The following MAT2B variants were observed in gnomAD, a reference collection of about 807,000 sequenced individuals.
MAT2B encodes the protein methionine adenosyltransferase 2 non-catalytic beta subunit, also known as methionine adenosyltransferase 2 subunit beta.
MAT2B carries 16 observed loss-of-function variants against 36.1 expected under a neutral mutation model. That is an observed-to-expected ratio of 0.44 (90% CI 0.30 to 0.67). MAT2B has a LOEUF of 0.67. Ranked by LOEUF, MAT2B falls within the 30% of genes least tolerant of loss-of-function variation. The pLI is 0.09. For missense variants in MAT2B, 332 were observed against 398.2 expected (o/e 0.83, Z 1.42); for synonymous variants, 148 against 136.9 (o/e 1.08, Z -0.57).
intron 3 of MAT2B, 21 bp from the exon 4 acceptor site, chr5:163,513,821 A>G (rs1561657478): frequency 1.9e-6 from 3 of 1,598,958 alleles, no homozygotes; most frequent in African/African-American, 2.7e-5. Context: ...CATTTAATAG[A>G]TTTGTCTTCT....
At chr5:163,509,652 C>G (rs1471990001) in intron 1 of MAT2B, among the ~76,000 whole-genome samples, 1 of 152,174 alleles carries the variant, frequency 6.6e-6, no homozygotes, top group Non-Finnish European at 1.5e-5. Flanking sequence ...AATTATCTCT[C>G]TTTTAGAGTA....
chr5:163,513,690 T>G (rs1389197828), intron 3 of MAT2B, 21 bp downstream of exon 3: 7 of 1,588,788 alleles, frequency 4.4e-6, no homozygotes, highest in Non-Finnish European at 6.0e-6. Flanking sequence ...CTTTATAAAA[T>G]TTTCATAAAA....
At position 163,513,643 on chromosome 5, in the gene MAT2B, C is replaced by T. The variant is rs2113558282; in HGVS notation, c.347C>T (p.Ala116Val). The T allele has an allele frequency of 6.2e-7, 1 of 1,613,556 alleles. No homozygotes were observed. The highest frequency in any genetic ancestry group is 1.7e-4 in the Middle Eastern group (1 of 6,056). The change falls in exon 3 of 7, where the codon GCT becomes GTT. Residue 116 changes from alanine (A) to valine (V), a missense_variant. Physicochemically the swap from Ala to Val is moderately conservative, Grantham distance 64 (BLOSUM62 0). Coordinates refer to ENST00000321757, the MANE Select transcript of MAT2B (RefSeq NM_013283.5). The part of the protein sequence containing the change: ...PDAASQLNVD[A>V]SGNLAKEAAA... ...GCTGCCTCTCAACTTAATGTGGATG[C>T]TTCTGGGAATTTAGCAAAGGAAGCA...
rs759306922 is a variant in MAT2B, at chr5:163,505,682, C to A, written c.-5C>A. On this transcript the variant is annotated 5_prime_UTR_variant, in exon 1 of 7. Coordinates refer to ENST00000321757, the MANE Select transcript of MAT2B (RefSeq NM_013283.5). ...CGCTGAGGCTGCGGCGTGAAGACGG[C>A]GGGCATGGTGGGGCGGGAGAAAGAG... 3.1e-6 allele frequency: 4 copies of A among 1,282,550 alleles called. No homozygotes were observed. The South Asian group carries it at 1.1e-4, about 35-fold the overall frequency. 79.4% of individuals were successfully genotyped at this position (1,282,550 alleles called of 1,614,324 possible). A position where few individuals can be genotyped will look rare whatever the true frequency, so the allele number is the denominator to read the frequency against.
upstream of MAT2B, among the ~76,000 whole-genome samples, chr5:163,504,957 T>C (rs1759903179): frequency 1.3e-5 from 2 of 152,192 alleles, no homozygotes; most frequent in African/African-American, 2.4e-5. Flanking sequence ...TCTGTAATTA[T>C]GGGTAAAGTC....
rs1760161397 is a variant in MAT2B at position 163,518,201 on chromosome 5, C to T, written c.843C>T (p.Asp281=). Residue 281 remains aspartate, a synonymous_variant, in exon 7 of 7, where the codon GAC becomes GAT. Coordinates refer to ENST00000321757, the MANE Select transcript of MAT2B (RefSeq NM_013283.5). ...LPSSHLRPIT[D]SPVLGAQRPR... The stretch of plus-strand genomic sequence containing the variant: ...TTTATCTTTCTTTAAAGATTACTGA[C>T]AGCCCTGTCCTAGGAGCACAACGTC... 3 of 1,592,574 alleles carry T rather than the reference C, an allele frequency of 1.9e-6. No individual in the cohort carries two copies. Among genetic ancestry groups the T allele is most frequent in the Non-Finnish European group, 2.6e-6 (3 of 1,172,096 alleles).
chr5:163,516,014 A>G (rs1760128385), intron 4 of MAT2B, among the ~76,000 whole-genome samples: 1 of 151,766 alleles, frequency 6.6e-6, no homozygotes, highest in African/African-American at 2.4e-5. Context: ...AATTACAGTC[A>G]TGAGCCCCAC....
At chr5:163,505,241 TA>T (rs1759907852), upstream of MAT2B, among the ~76,000 whole-genome samples, 2 of 151,992 alleles carry the variant, frequency 1.3e-5, no homozygotes, top group South Asian at 4.2e-4. Context: ...CCCATGACTT[TA>T]AAATGCTTTT....
chr5:163,506,342 C>T (rs1465070877), intron 1 of MAT2B, among the ~76,000 whole-genome samples: 1 of 152,152 alleles, frequency 6.6e-6, no homozygotes, highest in Non-Finnish European at 1.5e-5. Context: ...GCCTGGAATT[C>T]AGATACAGGT....
At position 163,513,868 on chromosome 5, in the gene MAT2B, A is replaced by G. The variant is rs1329659527; in HGVS notation, c.400A>G (p.Ile134Val). 3 of 1,612,432 alleles carry G rather than the reference A, an allele frequency of 1.9e-6. No individual in the cohort carries two copies. The highest frequency in any genetic ancestry group is 3.3e-5 in the Admixed American group (2 of 59,726). ...AAAVGAFLIYISSDYVFDGTN... is the reference protein window; with the variant it reads ...AAAVGAFLIYVSSDYVFDGTN... Reference sequence around the variant, plus strand: ...TGCTGTTGGAGCATTTCTCATCTACATTAGCTCAGATTATGTATTTGATGG... The same window carrying G: ...TGCTGTTGGAGCATTTCTCATCTACGTTAGCTCAGATTATGTATTTGATGG... The change falls in exon 4 of 7, where the codon ATT becomes GTT. Residue 134 changes from isoleucine to valine, a missense_variant. Ile to Val is a conservative substitution (Grantham distance 29, BLOSUM62 3). Coordinates refer to ENST00000321757, the MANE Select transcript of MAT2B (RefSeq NM_013283.5).
chr5:163,505,557 G>A (rs550321718), upstream of MAT2B: 7 of 1,245,036 alleles, frequency 5.6e-6, no homozygotes, highest in South Asian at 4.1e-5. Flanking sequence ...GGCAGCGGAA[G>A]CCGGAAGCGG....
intron 1 of MAT2B, among the ~76,000 whole-genome samples, chr5:163,508,437 C>T (rs1034118903): frequency 1.3e-5 from 2 of 151,842 alleles, no homozygotes; most frequent in Non-Finnish European, 1.5e-5. Flanking sequence ...AGCGTTTCAC[C>T]ATGTTGGCCA....
intron 1 of MAT2B, among the ~76,000 whole-genome samples, chr5:163,509,505 C>T (rs569195491): frequency 2.0e-5 from 3 of 152,202 alleles, no homozygotes; most frequent in Admixed American, 2.0e-4. Flanking sequence ...AGCCCCACCC[C>T]AGACCTTTGT....
intron 1 of MAT2B, among the ~76,000 whole-genome samples, 172 bp from the exon 2 acceptor site, chr5:163,511,830 G>A (rs1288683645): frequency 7.9e-5 from 12 of 152,190 alleles, no homozygotes; most frequent in Admixed American, 7.9e-4. Flanking sequence ...TGGAATTACA[G>A]GCATGAGCCT....
rs781194104 is a variant in MAT2B at position 163,513,929 on chromosome 5, C to T, written c.461C>T (p.Ala154Val). 4 of 1,613,388 alleles carry T rather than the reference C, an allele frequency of 2.5e-6. No individual in the cohort carries two copies. In the African/African-American group the frequency reaches 5.3e-5, roughly 22 times the overall value. The change falls in exon 4 of 7, where the codon GCT becomes GTT. Residue 154 changes from alanine (A) to valine (V), a missense_variant. Coordinates refer to ENST00000321757, the MANE Select transcript of MAT2B (RefSeq NM_013283.5). ...NPPYREEDIP[A>V]PLNLYGKTKL... ...CCTTACAGAGAGGAAGACATACCAG[C>T]TCCCCTAAATTTGTATGGCAAAACA... is the stretch of plus-strand genomic sequence containing the variant.
chr5:163,516,428 T>C, intron 4 of MAT2B, 90 bp from the exon 5 acceptor site: 3 of 1,026,772 alleles, frequency 2.9e-6, no homozygotes, highest in Non-Finnish European at 4.4e-6. Flanking sequence ...AGGTTTCTAC[T>C]TTGATATTAT....
chr5:163,503,282 C>T (rs1279835308), upstream of MAT2B: 5 of 892,678 alleles, frequency 5.6e-6, no homozygotes, highest in Admixed American at 6.1e-5. Flanking sequence ...AGCTGCTCCT[C>T]ACGTTTTGGC....
At chr5:163,508,697 G>A (rs1378325953) in intron 1 of MAT2B, among the ~76,000 whole-genome samples, 8 of 146,532 alleles carry the variant, frequency 5.5e-5, no homozygotes, top group South Asian at 2.2e-4. Flanking sequence ...GGCTCACTAC[G>A]ACCTCCGCCT....
In MAT2B at chr5:163,515,770, C is replaced by CTTTTTTTT. The variant is rs66978639; in HGVS notation, c.527-729_527-722dup. Among the ~76,000 whole-genome samples, 88 of 69,796 alleles carry CTTTTTTTT rather than the reference C, an allele frequency of 1.3e-3. 6 individuals are homozygous for CTTTTTTTT. The highest frequency in any genetic ancestry group is 2.0e-3 in the East Asian group (5 of 2,472). The allele number at this position is 69,796 out of a possible 152,430, so 45.8% of individuals were successfully genotyped here. The stretch of plus-strand genomic sequence containing the variant: ...TTAACAAATGTGGTTTTGCCTTTTT[C>CTTTTTTTT]TTTTTTTTTTTTTTTTTTTTTTTTT... On this transcript the variant is annotated intron_variant, in intron 4 of 6. Coordinates refer to ENST00000321757, the MANE Select transcript of MAT2B (RefSeq NM_013283.5).
Sources: allele counts gnomAD v4.1 joint callset (sites outside exome capture counted in the v4.1 genomes callset), GRCh38; gene constraint gnomAD v4.1.1; transcripts MANE v1.5; gene names NCBI Gene and HGNC (gene_info 2026-07-23, HGNC 2026-07-21).